Variants in MARCHF1 observed in about 807,000 individuals in gnomAD.
MARCHF1 encodes the protein membrane associated ring-CH-type finger 1, also known as E3 ubiquitin-protein ligase MARCHF1.
A neutral mutation model predicts 54.2 loss-of-function variants in MARCHF1; 40 were observed. The ratio of observed to expected loss-of-function variants is 0.74; its 90% confidence interval spans 0.57 to 0.96. MARCHF1 has a LOEUF of 0.96. MARCHF1 is among the 40% of genes least tolerant of loss of function. The probability of loss-of-function intolerance (pLI) is 0.00; values close to 1 mark genes in which losing one functional copy is unlikely to be tolerated. For missense variants in MARCHF1, 586 were observed against 656.5 expected, an observed-to-expected ratio of 0.89 and a Z score of 1.17; for synonymous variants, 236 against 236.3, an observed-to-expected ratio of 1.00 and a Z score of 0.01.
chr4:164,047,981 C>A (rs1271986857), intron 2 of MARCHF1, among the ~76,000 whole-genome samples: 1 of 152,076 alleles, frequency 6.6e-6, no homozygotes, highest in African/African-American at 2.4e-5. Flanking sequence ...TTAGCATATT[C>A]AAAATTCTCT....
At chr4:163,769,127 T>G (rs1343082038) in intron 4 of MARCHF1, among the ~76,000 whole-genome samples, 1 of 152,126 alleles carries the variant, frequency 6.6e-6, no homozygotes, top group Non-Finnish European at 1.5e-5. Flanking sequence ...TAGCTATAGG[T>G]AAGTTTCTGT....
At chr4:163,564,979 TG>T (rs1257748237) in intron 8 of MARCHF1, among the ~76,000 whole-genome samples, 2 of 152,080 alleles carry the variant, frequency 1.3e-5, no homozygotes, top group African/African-American at 2.4e-5. Flanking sequence ...CTCCCTAAAC[TG>T]GGCCTCGACT....
intron 2 of MARCHF1, among the ~76,000 whole-genome samples, chr4:164,062,033 A>T (rs6857225): frequency 0.53 from 80,944 of 152,070 alleles, 23,028 homozygotes; most frequent in Non-Finnish European, 0.64. Context: ...AATTCTGATC[A>T]AACCTCTTAA....
chr4:164,058,902 T>A (rs1457699887), intron 2 of MARCHF1, among the ~76,000 whole-genome samples: 1 of 152,216 alleles, frequency 6.6e-6, no homozygotes, highest in African/African-American at 2.4e-5. Context: ...AATTGTGTAT[T>A]CAGAGATGTT....
At chr4:163,760,590 TACA>T (rs1275678235) in intron 4 of MARCHF1, among the ~76,000 whole-genome samples, 3 of 152,180 alleles carry the variant, frequency 2.0e-5, no homozygotes, top group Non-Finnish European at 4.4e-5. Context: ...TTTCTAGTCA[TACA>T]ACAAGAGTTT....
At chr4:164,213,152 TTAGA>T (rs766799290) in intron 1 of MARCHF1, among the ~76,000 whole-genome samples, 40 of 151,566 alleles carry the variant, frequency 2.6e-4, no homozygotes, top group East Asian at 1.3e-3. Flanking sequence ...AATTCGTTTC[TTAGA>T]TAAATTTTCA....
At chr4:163,725,373 G>A (rs1385431558) in intron 4 of MARCHF1, among the ~76,000 whole-genome samples, 1 of 151,990 alleles carries the variant, frequency 6.6e-6, no homozygotes, top group Non-Finnish European at 1.5e-5. Context: ...AGCTACTCAG[G>A]AGGCTAAGGT....
At chr4:163,955,253 T>G (rs550553246) in intron 3 of MARCHF1, among the ~76,000 whole-genome samples, 1 of 136,356 alleles carries the variant, frequency 7.3e-6, no homozygotes, top group African/African-American at 2.8e-5. Context: ...GTGTTCTGGA[T>G]AAAAGTCTAA....
At chr4:163,599,668 A>G (rs1235566456) in intron 7 of MARCHF1, among the ~76,000 whole-genome samples, 1 of 152,088 alleles carries the variant, frequency 6.6e-6, no homozygotes, top group Non-Finnish European at 1.5e-5. Flanking sequence ...TCCAAACTTT[A>G]CCATGCATCA....
intron 5 of MARCHF1, among the ~76,000 whole-genome samples, chr4:163,624,721 G>T (rs1054681865): frequency 6.6e-6 from 1 of 152,180 alleles, no homozygotes; most frequent in Non-Finnish European, 1.5e-5. Context: ...CCCATTACCT[G>T]AGTGTCCTAG....
At chr4:163,881,249 C>A (rs1012511830) in intron 3 of MARCHF1, among the ~76,000 whole-genome samples, 5 of 152,060 alleles carry the variant, frequency 3.3e-5, no homozygotes, top group African/African-American at 9.6e-5. Context: ...CCGAGGCGGG[C>A]GGATTATCTG....
At chr4:164,204,632 G>A (rs957371498) in intron 1 of MARCHF1, among the ~76,000 whole-genome samples, 1 of 152,194 alleles carries the variant, frequency 6.6e-6, no homozygotes, top group Non-Finnish European at 1.5e-5. Flanking sequence ...TATGCAAGAA[G>A]CTCCTCTGAT....
chr4:164,063,772 CTG>C (rs1013555074), intron 2 of MARCHF1, among the ~76,000 whole-genome samples: 11 of 152,082 alleles, frequency 7.2e-5, no homozygotes, highest in African/African-American at 2.4e-4. Flanking sequence ...GTCAGATAAA[CTG>C]TGTTATAGCA....
chr4:163,689,510 T>C (rs529006974), intron 5 of MARCHF1, among the ~76,000 whole-genome samples: 47 of 152,298 alleles, frequency 3.1e-4, no homozygotes, highest in African/African-American at 1.1e-3. Context: ...GCCAGCAAAA[T>C]TGAAGAACTT....
chr4:164,134,522 T>C (rs1756362334), intron 1 of MARCHF1, among the ~76,000 whole-genome samples: 1 of 152,212 alleles, frequency 6.6e-6, no homozygotes, highest in South Asian at 2.1e-4. Flanking sequence ...AGACATTCTT[T>C]AGTGCATGTC....
chr4:163,629,654 A>G (rs1017754593), intron 5 of MARCHF1, among the ~76,000 whole-genome samples: 1 of 152,126 alleles, frequency 6.6e-6, no homozygotes, highest in Non-Finnish European at 1.5e-5. Flanking sequence ...TTTGCAATCT[A>G]TCCATCTGAC....
intron 1 of MARCHF1, among the ~76,000 whole-genome samples, chr4:164,146,376 A>C (rs1359624814): frequency 1.3e-5 from 2 of 151,766 alleles, no homozygotes; most frequent in Non-Finnish European, 2.9e-5. Flanking sequence ...TCAATCCTGA[A>C]CCAAAAGAAC....
chr4:164,248,524 A>G (rs1733025787), intron 1 of MARCHF1, among the ~76,000 whole-genome samples: 1 of 152,086 alleles, frequency 6.6e-6, no homozygotes. Flanking sequence ...CCTCCATGTT[A>G]TCAAAGGTTT....
At chr4:164,131,139 C>G (rs1299220773) in intron 1 of MARCHF1, among the ~76,000 whole-genome samples, 1 of 152,018 alleles carries the variant, frequency 6.6e-6, no homozygotes, top group African/African-American at 2.4e-5. Context: ...AAACCAAACT[C>G]CCTCCAAATT....
Sources: allele counts gnomAD v4.1 joint callset (sites outside exome capture counted in the v4.1 genomes callset), GRCh38; gene constraint gnomAD v4.1.1; transcripts MANE v1.5; gene names NCBI Gene and HGNC (gene_info 2026-07-23, HGNC 2026-07-21).